TTC17: variants seen among roughly 807,000 people sequenced by gnomAD.
The protein encoded by TTC17 is tetratricopeptide repeat protein 17.
Under a neutral mutation model 143.8 loss-of-function variants are expected in TTC17, and 58 were observed. The observed-to-expected ratio is 0.40, with a 90% CI of 0.33 to 0.50. The LOEUF (loss-of-function observed/expected upper bound fraction) is 0.50. Among genes scored for constraint, TTC17 ranks in the 20% least tolerant of loss-of-function variants. The pLI is 0.49. For missense variants in TTC17, 1,273 were observed against 1,392.5 expected, an observed-to-expected ratio of 0.91 and a Z score of 1.37; for synonymous variants, 501 against 497.8, an observed-to-expected ratio of 1.01 and a Z score of -0.09.
chr11:43,472,242 G>C (rs1428012258), intron 21 of TTC17, among the ~76,000 whole-genome samples: 1 of 152,088 alleles, frequency 6.6e-6, no homozygotes, highest in Non-Finnish European at 1.5e-5. Flanking sequence ...CTACTCTGGA[G>C]GCTGAGGCAG....
chr11:43,464,720 A>G (rs1046961098), intron 21 of TTC17, among the ~76,000 whole-genome samples: 2 of 152,200 alleles, frequency 1.3e-5, no homozygotes, highest in Non-Finnish European at 2.9e-5. Flanking sequence ...GAGGAAAAAA[A>G]TGGAAATGCA....
rs562594929 is a variant in TTC17 at position 43,462,921 on chromosome 11, C to CTTTTTTTT, written c.3030+11661_3030+11668dup. 3.1e-3 allele frequency among the ~76,000 whole-genome samples: 370 copies of CTTTTTTTT among 117,746 alleles called. 34 individuals are homozygous for CTTTTTTTT. The highest frequency in any genetic ancestry group is 0.02 in the Middle Eastern group (5 of 256). The allele number at this position is 117,746 out of a possible 152,430, so 77.2% of individuals were successfully genotyped here. A position where few individuals can be genotyped will look rare whatever the true frequency, so the allele number is the denominator to read the frequency against. On this transcript the variant is annotated intron_variant, in intron 21 of 23. Transcript: ENST00000039989. The stretch of plus-strand genomic sequence containing the variant: ...CACTGAATCCAGCAGTGACAAAATT[C>CTTTTTTTT]TTTTTTTTTTTTGAGACAGAGTCTC...
rs569835317 is a variant in TTC17 at position 43,424,428 on chromosome 11, A to G, written c.2251+9652A>G. Among the ~76,000 whole-genome samples, 10 of 150,850 alleles carry G rather than the reference A, an allele frequency of 6.6e-5. 1 individual carries two copies. In the South Asian group the frequency reaches 2.1e-3, roughly 32 times the overall value. The stretch of plus-strand genomic sequence containing the variant: ...TCTTTAAAAAACATGTAATAATAAT[A>G]GAACACAAATGAGGAAAGCTTTCTT... On this transcript the variant is annotated intron_variant, in intron 16 of 23. Transcript: ENST00000039989.
chr11:43,398,365 T>G (rs1857706560), intron 8 of TTC17, among the ~76,000 whole-genome samples: 1 of 152,248 alleles, frequency 6.6e-6, no homozygotes, highest in Non-Finnish European at 1.5e-5. Context: ...CTTAAATGTT[T>G]ACAATTTTGA....
chr11:43,366,362 C>G (rs1012898413), intron 1 of TTC17, among the ~76,000 whole-genome samples: 1 of 151,696 alleles, frequency 6.6e-6, no homozygotes, highest in East Asian at 1.9e-4. Context: ...AAAAATTAGC[C>G]GGGCATGGTG....
In TTC17 at chr11:43,492,132, A is replaced by G; in HGVS notation, c.3263A>G (p.His1088Arg). Residue 1088 changes from histidine (H) to arginine (R), a missense_variant, in exon 23 of 24, where the codon CAC (histidine) becomes CGC (arginine). Transcript: ENST00000039989. ...ATCGCACCACACTTTGCTGTGAACC[A>G]CTTCACTCTGGGCAATGTCTACGTG... ...VEIAPHFAVN[H>R]FTLGNVYVAM... The G allele has an allele frequency of 1.2e-6, 2 of 1,614,008 alleles. No individual in the cohort carries two copies. Among genetic ancestry groups the G allele is most frequent in the Non-Finnish European group, 1.7e-6 (2 of 1,179,960 alleles).
At chr11:43,458,401 C>G (rs1190806536) in intron 21 of TTC17, among the ~76,000 whole-genome samples, 1 of 152,160 alleles carries the variant, frequency 6.6e-6, no homozygotes, top group Non-Finnish European at 1.5e-5. Flanking sequence ...GGGTGAAAAA[C>G]AGAATCTGCC....
chr11:43,481,995 A>G (rs543476074), intron 21 of TTC17, among the ~76,000 whole-genome samples: 1 of 152,108 alleles, frequency 6.6e-6, no homozygotes, highest in African/African-American at 2.4e-5. Flanking sequence ...TTTTTAGTAG[A>G]GATGAGGTTT....
At chr11:43,463,422 TATC>T (rs1402751002) in intron 21 of TTC17, among the ~76,000 whole-genome samples, 1 of 151,704 alleles carries the variant, frequency 6.6e-6, no homozygotes, top group East Asian at 1.9e-4. Flanking sequence ...AAAATAAAAA[TATC>T]ATACAAAAAT....
chr11:43,368,740 C>T (rs1195364829), intron 1 of TTC17, among the ~76,000 whole-genome samples: 1 of 152,176 alleles, frequency 6.6e-6, no homozygotes, highest in Non-Finnish European at 1.5e-5. Context: ...CAAAGAACAT[C>T]AGAAAATCTT....
At chr11:43,410,903 A>G (rs1858380792) in intron 15 of TTC17, among the ~76,000 whole-genome samples, 1 of 152,172 alleles carries the variant, frequency 6.6e-6, no homozygotes, top group Non-Finnish European at 1.5e-5. Context: ...TGTTTTCAAA[A>G]TATACCTCAG....
At chr11:43,446,260 T>G in intron 18 of TTC17, 1 of 1,017,362 alleles carries the variant, frequency 9.8e-7, no homozygotes, top group African/African-American at 1.6e-5. Flanking sequence ...TCACTCATCC[T>G]TAAACTTCAA....
intron 1 of TTC17, chr11:43,379,022 C>A: frequency 2.0e-6 from 1 of 505,838 alleles, no homozygotes; most frequent in South Asian, 2.6e-5. Flanking sequence ...CTTGTTCTTC[C>A]AAGTTGGAGT....
intron 21 of TTC17, among the ~76,000 whole-genome samples, chr11:43,471,801 A>G: frequency 6.6e-6 from 1 of 152,256 alleles, no homozygotes; most frequent in African/African-American, 2.4e-5. Context: ...AGAGCAAAAC[A>G]TGTATAATTA....
At chr11:43,418,419 G>T (rs1291738422) in intron 16 of TTC17, among the ~76,000 whole-genome samples, 1 of 152,028 alleles carries the variant, frequency 6.6e-6, no homozygotes, top group East Asian at 1.9e-4. Flanking sequence ...AGTGCTTTCA[G>T]TTTCGATTAA....
At chr11:43,387,877 A>G (rs1311010999) in intron 2 of TTC17, among the ~76,000 whole-genome samples, 4 of 152,232 alleles carry the variant, frequency 2.6e-5, no homozygotes, top group Non-Finnish European at 5.9e-5. Context: ...GTCTACTACC[A>G]TAATAAATAT....
At position 43,398,068 on chromosome 11, in the gene TTC17, T is replaced by TC; in HGVS notation, c.1015dup (p.Leu339ProfsTer15). The TC allele has an allele frequency of 6.2e-7, 1 of 1,614,000 alleles. No individual in the cohort carries two copies. Among genetic ancestry groups the TC allele is most frequent in the Non-Finnish European group, 8.5e-7 (1 of 1,179,984 alleles). On this transcript the variant is annotated frameshift_variant, in exon 8 of 24. Coordinates refer to ENST00000039989, the MANE Select transcript of TTC17 (RefSeq NM_018259.6). LOFTEE classifies it high-confidence loss of function. ...CAAGCTATAAAGAGGAAGCATGCTG[T>TC]CCTATGTCAGCAAAAACTGGAGCAG...
intron 21 of TTC17, among the ~76,000 whole-genome samples, chr11:43,459,024 T>C: frequency 6.6e-6 from 1 of 152,208 alleles, no homozygotes; most frequent in Non-Finnish European, 1.5e-5. Context: ...ACCGGGGGTC[T>C]TGGAACATAT....
At chr11:43,396,992 T>G (rs1430358248) in intron 6 of TTC17, 174 bp downstream of exon 6, 2 of 480,284 alleles carry the variant, frequency 4.2e-6, no homozygotes, top group Non-Finnish European at 7.3e-6. Context: ...CTCAAAAAGT[T>G]CAAAGTGATA....
Sources: gnomAD v4.1 joint callset for allele counts (sites outside exome capture counted in the v4.1 genomes callset) on GRCh38, gnomAD v4.1.1 for gene constraint, MANE v1.5 for transcripts, NCBI Gene and HGNC (gene_info 2026-07-23, HGNC 2026-07-21) for gene names.